MGMT: variants seen among roughly 807,000 people sequenced by gnomAD.
MGMT encodes the protein methylated-DNA--protein-cysteine methyltransferase.
Under a neutral mutation model 15.9 loss-of-function variants are expected in MGMT, and 14 were observed. The observed-to-expected ratio is 0.88, with a 90% CI of 0.58 to 1.37. MGMT has a LOEUF of 1.37. Among genes scored for constraint, MGMT ranks in the 40% most tolerant of loss-of-function variants. MGMT has a pLI of 0.00. For synonymous variants in MGMT, 130 were observed against 118.2 expected, an observed-to-expected ratio of 1.10 and a Z score of -0.65; for missense variants, 282 against 268.1, an observed-to-expected ratio of 1.05 and a Z score of -0.36.
chr10:129,489,359 CAA>C (rs34274988), intron 1 of MGMT, among the ~76,000 whole-genome samples: 571 of 57,314 alleles, frequency 1.0e-2, no homozygotes, highest in Non-Finnish European at 0.014. Context: ...GACTCTGTCT[CAA>C]AAAAAAAAAA....
chr10:129,760,255 G>A (rs998717793), intron 4 of MGMT, among the ~76,000 whole-genome samples: 3 of 152,216 alleles, frequency 2.0e-5, no homozygotes, highest in African/African-American at 7.2e-5. Flanking sequence ...GTGCCTGTGT[G>A]TGTGGGGGCA....
intron 2 of MGMT, among the ~76,000 whole-genome samples, chr10:129,689,388 G>A (rs763300909): frequency 2.0e-5 from 3 of 152,172 alleles, no homozygotes; most frequent in Non-Finnish European, 2.9e-5. Context: ...TCCAGCTTCT[G>A]GTTTGATTCT....
rs149864172 is a variant in MGMT at position 129,545,099 on chromosome 10, G to A, written c.125+8722G>A. ...TGTGAAGTTGTTGGCATCAATGTGCGTTTACCAATAAGAGAAATGGAGATG... is the reference window on the plus strand; with the variant it reads ...TGTGAAGTTGTTGGCATCAATGTGCATTTACCAATAAGAGAAATGGAGATG... On this transcript the variant is annotated intron_variant, in intron 2 of 4. Coordinates refer to ENST00000651593, the MANE Select transcript of MGMT (RefSeq NM_002412.5). 4.2e-4 allele frequency among the ~76,000 whole-genome samples: 64 copies of A among 152,296 alleles called. No homozygotes were observed. In the East Asian group the frequency reaches 5.0e-3, roughly 12 times the overall value.
chr10:129,674,196 A>G (rs923227790), intron 2 of MGMT, among the ~76,000 whole-genome samples: 2 of 152,190 alleles, frequency 1.3e-5, no homozygotes, highest in African/African-American at 4.8e-5. Flanking sequence ...GAAACCACTC[A>G]AATGCTTTTT....
intron 2 of MGMT, among the ~76,000 whole-genome samples, chr10:129,627,007 C>G (rs1847157381): frequency 6.6e-6 from 1 of 152,164 alleles, no homozygotes; most frequent in Non-Finnish European, 1.5e-5. Context: ...GGGACGGAGG[C>G]AGCTGCCACC....
At position 129,672,907 on chromosome 10, in the gene MGMT, G is replaced by A. The variant is rs528287323; in HGVS notation, c.126-34988G>A. On this transcript the variant is annotated intron_variant, in intron 2 of 4. Coordinates refer to ENST00000651593, the MANE Select transcript of MGMT (RefSeq NM_002412.5). ...TGGAGAAACAGTGTGTAGAAATGAC[G>A]TATTGCCCGGGAGGATGTTTTCTTC... 5.9e-5 allele frequency among the ~76,000 whole-genome samples: 9 copies of A among 152,238 alleles called. No individual in the cohort carries two copies. In the South Asian group the frequency reaches 1.2e-3, roughly 21 times the overall value.
chr10:129,739,818 T>C (rs1848609960), intron 3 of MGMT, among the ~76,000 whole-genome samples: 1 of 152,176 alleles, frequency 6.6e-6, no homozygotes, highest in Admixed American at 6.5e-5. Flanking sequence ...GTGTTAGTTA[T>C]TTTATATGTG....
At chr10:129,515,582 T>C (rs1845730078) in intron 1 of MGMT, among the ~76,000 whole-genome samples, 1 of 152,234 alleles carries the variant, frequency 6.6e-6, no homozygotes, top group Non-Finnish European at 1.5e-5. Context: ...CGGATATTTA[T>C]CCCTTCCTGG....
chr10:129,480,912 C>T (rs1243259684), intron 1 of MGMT, among the ~76,000 whole-genome samples: 1 of 152,214 alleles, frequency 6.6e-6, no homozygotes, highest in Admixed American at 6.5e-5. Flanking sequence ...CATCAGCAGT[C>T]TCTGCCATTT....
At chr10:129,639,313 G>T (rs1476214539) in intron 2 of MGMT, among the ~76,000 whole-genome samples, 3 of 152,150 alleles carry the variant, frequency 2.0e-5, no homozygotes, top group Non-Finnish European at 4.4e-5. Flanking sequence ...AAAGTATTCA[G>T]TTCACCAAAA....
intron 3 of MGMT, among the ~76,000 whole-genome samples, chr10:129,711,031 C>T (rs1423958554): frequency 6.6e-6 from 1 of 152,158 alleles, no homozygotes; most frequent in Non-Finnish European, 1.5e-5. Context: ...TCCTTGAGTT[C>T]CAGCACATTG....
At position 129,510,786 on chromosome 10, in the gene MGMT, G is replaced by A. The variant is rs536982358; in HGVS notation, c.-12-25455G>A. Among the ~76,000 whole-genome samples, 5 of 151,746 alleles carry A rather than the reference G, an allele frequency of 3.3e-5. No homozygotes were observed. The East Asian group carries it at 9.7e-4, about 29-fold the overall frequency. ...CCCCAGATACCAGACGCAGCCAGATGCAGCCACGTGCTTCCTGTGATGGGA... is the reference window on the plus strand; with the variant it reads ...CCCCAGATACCAGACGCAGCCAGATACAGCCACGTGCTTCCTGTGATGGGA... On this transcript the variant is annotated intron_variant, in intron 1 of 4. Coordinates refer to ENST00000651593, the MANE Select transcript of MGMT (RefSeq NM_002412.5).
At chr10:129,741,950 T>C (rs1848638334) in intron 3 of MGMT, among the ~76,000 whole-genome samples, 1 of 152,186 alleles carries the variant, frequency 6.6e-6, no homozygotes, top group African/African-American at 2.4e-5. Context: ...TGCTCCTTTC[T>C]AAATGGGAGT....
intron 3 of MGMT, among the ~76,000 whole-genome samples, chr10:129,732,965 C>A (rs1176849267): frequency 6.6e-6 from 1 of 151,152 alleles, no homozygotes; most frequent in Non-Finnish European, 1.5e-5. Flanking sequence ...CATTGTTGGA[C>A]ATTTGGGTTG....
At chr10:129,687,840 C>T (rs372857555) in intron 2 of MGMT, among the ~76,000 whole-genome samples, 6 of 151,932 alleles carry the variant, frequency 3.9e-5, no homozygotes, top group Non-Finnish European at 8.8e-5. Flanking sequence ...AATGCTATCC[C>T]TCCCCCAGCC....
intron 3 of MGMT, among the ~76,000 whole-genome samples, chr10:129,736,750 GC>G (rs1264378878): frequency 6.6e-6 from 1 of 151,706 alleles, no homozygotes; most frequent in African/African-American, 2.4e-5. Context: ...TTTAGGGCAG[GC>G]CTGGTGGTGA....
intron 2 of MGMT, among the ~76,000 whole-genome samples, chr10:129,616,314 G>A (rs946530723): frequency 5.3e-5 from 8 of 152,204 alleles, no homozygotes; most frequent in African/African-American, 9.6e-5. Flanking sequence ...ATGCAGAGCC[G>A]GAGAGGCCGC....
intron 3 of MGMT, among the ~76,000 whole-genome samples, chr10:129,746,259 AC>A (rs1848694933): frequency 6.7e-6 from 1 of 149,866 alleles, no homozygotes; most frequent in African/African-American, 2.5e-5. Flanking sequence ...AAAAAAACAA[AC>A]AAAAAAAAAC....
At chr10:129,475,208 CG>C (rs1845277172) in intron 1 of MGMT, among the ~76,000 whole-genome samples, 1 of 151,658 alleles carries the variant, frequency 6.6e-6, no homozygotes, top group South Asian at 2.1e-4. Flanking sequence ...ATGAGGGTCA[CG>C]GGGTGGGGTG....
Sources: gnomAD v4.1 joint callset for allele counts (sites outside exome capture counted in the v4.1 genomes callset) on GRCh38, gnomAD v4.1.1 for gene constraint, MANE v1.5 for transcripts, NCBI Gene and HGNC (gene_info 2026-07-23, HGNC 2026-07-21) for gene names.